The following RTL9 variants were observed in gnomAD, a reference collection of about 807,000 sequenced individuals.
RTL9 encodes the protein retrotransposon Gag-like protein 9.
Under a neutral mutation model 44.7 loss-of-function variants are expected in RTL9, and 19 were observed. The observed-to-expected ratio is 0.42, with a 90% CI of 0.30 to 0.62. The LOEUF (loss-of-function observed/expected upper bound fraction) is 0.62, where lower values mean the gene tolerates loss of function less well. RTL9 is among the 20% of genes least tolerant of loss of function. The probability of loss-of-function intolerance (pLI) is 0.16; values close to 1 mark genes in which losing one functional copy is unlikely to be tolerated. For missense variants in RTL9, 1,105 were observed against 1,080.6 expected (o/e 1.02, Z -0.32); for synonymous variants, 407 against 398.9 (o/e 1.02, Z -0.24).
At chrX:110,365,877 G>A (rs766431983) in intron 1 of RTL9, among the ~76,000 whole-genome samples, 1 of 112,148 alleles carries the variant, frequency 8.9e-6, no homozygotes, top group East Asian at 2.8e-4. Context: ...TATGCATGCT[G>A]CTTCCAGTGC....
exon 2 of RTL9, chrX:110,455,743 C>T (rs752691541): frequency 7.0e-4 from 86 of 122,852 alleles, no homozygotes; most frequent in African/African-American, 2.6e-3. Flanking sequence ...GAGCGATGCC[C>T]ACTCCTATAC....
chrX:110,374,336 TA>T (rs1020602868), intron 1 of RTL9, among the ~76,000 whole-genome samples: 5 of 112,132 alleles, frequency 4.5e-5, no homozygotes, highest in African/African-American at 6.5e-5. Context: ...ATATGCACAT[TA>T]AAAAAATGAA....
chrX:110,411,658 A>G (rs775061207), intron 1 of RTL9, among the ~76,000 whole-genome samples: 1 of 112,388 alleles, frequency 8.9e-6, no homozygotes, highest in East Asian at 2.8e-4. Context: ...TGCAAAGTGG[A>G]AAGGCAACAT....
At chrX:110,442,726 A>C (rs1018823455) in intron 1 of RTL9, among the ~76,000 whole-genome samples, 1 of 111,640 alleles carries the variant, frequency 9.0e-6, no homozygotes, top group Admixed American at 9.5e-5. Flanking sequence ...CCTTCTAAGG[A>C]GTTTCCATCC....
chrX:110,453,086 GAC>G lies in RTL9; in HGVS notation c.2471_2472del (p.Thr824SerfsTer45), dbSNP rs1569434540. 1 of 1,209,597 alleles carries G rather than the reference GAC, an allele frequency of 8.3e-7. No homozygotes were observed. The highest frequency in any genetic ancestry group is 1.1e-6 in the Non-Finnish European group (1 of 895,109). ...ATGGAGCCATGTCTGCTCCACAAAT[GAC>G]AGCCACAGCCTCTGGAATGATGTCA... On this transcript the variant is annotated frameshift_variant, in exon 1 of 2. Transcript: ENST00000540313. LOFTEE classifies it high-confidence loss of function.
intron 1 of RTL9, among the ~76,000 whole-genome samples, chrX:110,438,311 A>G (rs989507263): frequency 8.9e-6 from 1 of 111,822 alleles, no homozygotes; most frequent in East Asian, 2.8e-4. Flanking sequence ...TTGGGAGCGG[A>G]TGGAGAGATT....
exon 1 of RTL9, chrX:110,452,266 C>T: frequency 3.3e-6 from 4 of 1,211,961 alleles, no homozygotes; most frequent in Non-Finnish European, 4.5e-6. Flanking sequence ...GAAGCAATGT[C>T]CATGCCACAA....
At chrX:110,431,495 C>G (rs760992390) in intron 1 of RTL9, among the ~76,000 whole-genome samples, 1 of 105,826 alleles carries the variant, frequency 9.4e-6, no homozygotes, top group South Asian at 4.6e-4. Flanking sequence ...TTTATATAAA[C>G]AATTTGCCTG....
intron 1 of RTL9, among the ~76,000 whole-genome samples, chrX:110,368,392 C>T (rs897351472): frequency 1.1e-4 from 12 of 111,394 alleles, no homozygotes; most frequent in Non-Finnish European, 5.7e-5. Flanking sequence ...CTGTCACTCT[C>T]CTCTTTGATT....
intron 1 of RTL9, among the ~76,000 whole-genome samples, chrX:110,368,341 A>G (rs1315788442): frequency 9.0e-6 from 1 of 111,308 alleles, no homozygotes; most frequent in African/African-American, 3.3e-5. Context: ...AAGATTCTAC[A>G]TGATCTACCT....
upstream of RTL9, among the ~76,000 whole-genome samples, chrX:110,448,959 TG>T (rs1053429016): frequency 5.4e-5 from 6 of 111,300 alleles, no homozygotes; most frequent in African/African-American, 2.0e-4. Context: ...GCTGCTTTTT[TG>T]ACTCATCTTT....
At chrX:110,398,918 T>C (rs1206187760) in intron 1 of RTL9, among the ~76,000 whole-genome samples, 1 of 112,339 alleles carries the variant, frequency 8.9e-6, no homozygotes, top group Non-Finnish European at 1.9e-5. Context: ...TGAGAATGAT[T>C]CTAAATCTAT....
exon 1 of RTL9, chrX:110,454,285 A>G: frequency 1.7e-6 from 2 of 1,212,086 alleles, no homozygotes; most frequent in Non-Finnish European, 2.2e-6. Context: ...AGAAGATCCC[A>G]GGGCATATAT....
At chrX:110,423,144 A>G (rs958895726) in intron 1 of RTL9, among the ~76,000 whole-genome samples, 1 of 111,381 alleles carries the variant, frequency 9.0e-6, no homozygotes, top group African/African-American at 3.3e-5. Flanking sequence ...CCTGGCCAAC[A>G]TGGCGAAACC....
At chrX:110,394,991 A>T (rs1024070204) in intron 1 of RTL9, among the ~76,000 whole-genome samples, 2 of 112,559 alleles carry the variant, frequency 1.8e-5, no homozygotes, top group Non-Finnish European at 3.8e-5. Context: ...GAGCTTTGGG[A>T]TCTGGAACTG....
chrX:110,419,727 GA>G (rs1028512705), intron 1 of RTL9, among the ~76,000 whole-genome samples: 1 of 111,598 alleles, frequency 9.0e-6, no homozygotes, highest in Non-Finnish European at 1.9e-5. Flanking sequence ...CATTCCATAG[GA>G]AAAAAAATCA....
intron 1 of RTL9, among the ~76,000 whole-genome samples, chrX:110,425,095 C>T (rs2068744401): frequency 1.8e-5 from 2 of 111,915 alleles, no homozygotes; most frequent in South Asian, 7.6e-4. Flanking sequence ...TCCCTTGCCT[C>T]CTGCTCCCAA....
At chrX:110,374,280 TATTTCTGTA>T (rs764885260) in intron 1 of RTL9, among the ~76,000 whole-genome samples, 1 of 110,716 alleles carries the variant, frequency 9.0e-6, no homozygotes, top group East Asian at 2.8e-4. Flanking sequence ...TGTTGCAAAA[TATTTCTGTA>T]GAATAGATTC....
intron 1 of RTL9, among the ~76,000 whole-genome samples, chrX:110,435,271 T>TAG (rs1441922586): frequency 4.5e-5 from 5 of 111,434 alleles, no homozygotes; most frequent in Non-Finnish European, 9.4e-5. Context: ...TGGAGTTCTT[T>TAG]AGTGTGGGAG....
Sources: gnomAD v4.1 joint callset for allele counts (sites outside exome capture counted in the v4.1 genomes callset) on GRCh38, gnomAD v4.1.1 for gene constraint, MANE v1.5 for transcripts, NCBI Gene and HGNC (gene_info 2026-07-23, HGNC 2026-07-21) for gene names.